Variants in PLD4 observed in about 807,000 individuals in gnomAD.
PLD4 encodes the protein 5'-3' exonuclease PLD4.
Under a neutral mutation model 52.3 loss-of-function variants are expected in PLD4, and 54 were observed. The observed-to-expected ratio is 1.03, with a 90% CI of 0.83 to 1.30. The LOEUF (loss-of-function observed/expected upper bound fraction) is 1.30, where lower values mean the gene tolerates loss of function less well. Ranked by LOEUF, PLD4 falls within the 50% of genes most tolerant of loss-of-function variation. The probability of loss-of-function intolerance (pLI) is 0.00; values close to 1 mark genes in which losing one functional copy is unlikely to be tolerated. For synonymous variants in PLD4, 264 were observed against 286.5 expected (o/e 0.92, Z 0.79); for missense variants, 731 against 671.1 (o/e 1.09, Z -0.99).
Position 104,933,108 on chromosome 14 carries a change from A to C in PLD4, c.*144A>C. On this transcript the variant is annotated 3_prime_UTR_variant, in exon 11 of 11. Coordinates refer to ENST00000392593, the MANE Select transcript of PLD4 (RefSeq NM_138790.5). The stretch of plus-strand genomic sequence containing the variant: ...GCCTGCGACCGCCCGGGCGTCGCAA[A>C]CCGCCCGCCTGCTCTCTGATTTCCG... 1 of 885,818 alleles carries C rather than the reference A, an allele frequency of 1.1e-6. No individual in the cohort carries two copies. The highest frequency in any genetic ancestry group is 1.6e-6 in the Non-Finnish European group (1 of 619,610). The allele number at this position is 885,818 out of a possible 1,614,324, so 54.9% of individuals were successfully genotyped here.
intron 1 of PLD4, among the ~76,000 whole-genome samples, chr14:104,925,291 G>A (rs569881313): frequency 6.6e-6 from 1 of 152,348 alleles, no homozygotes; most frequent in African/African-American, 2.4e-5. Flanking sequence ...ATGTCTGCAG[G>A]GTCTTACGCT....
chr14:104,930,514 G>T, intron 6 of PLD4: 1 of 594,832 alleles, frequency 1.7e-6, no homozygotes, highest in Non-Finnish European at 3.0e-6. Context: ...TGTAATAAAC[G>T]TGTATTGCTT....
intron 7 of PLD4, among the ~76,000 whole-genome samples, chr14:104,931,396 G>A (rs1257054462): frequency 6.6e-6 from 1 of 152,114 alleles, no homozygotes; most frequent in Non-Finnish European, 1.5e-5. Context: ...GCCAGCCGAG[G>A]GACTGGTCTG....
downstream of PLD4, chr14:104,934,488 A>C (rs1179769400): frequency 2.0e-5 from 3 of 152,096 alleles, no homozygotes; most frequent in Non-Finnish European, 4.4e-5. Context: ...ATCTCACCTG[A>C]TGGTTCCTGA....
rs368763697 is a variant in PLD4, at chr14:104,931,902, G to A, written c.1058+15G>A. The A allele has an allele frequency of 6.5e-7, 1 of 1,531,738 alleles. No individual in the cohort carries two copies. 94.9% of individuals were successfully genotyped at this position (1,531,738 alleles called of 1,614,324 possible). A position where few individuals can be genotyped will look rare whatever the true frequency, so the allele number is the denominator to read the frequency against. On this transcript the variant is annotated intron_variant, in intron 8 of 10. Transcript: ENST00000392593. ...CACCCCCCGAGGTAGGTCTGAGTGGGAGGTGGGCGGCCTGCTCTGCTGACG... is the reference window on the plus strand; with the variant it reads ...CACCCCCCGAGGTAGGTCTGAGTGGAAGGTGGGCGGCCTGCTCTGCTGACG...
At chr14:104,931,911 G>A (rs756568076) in intron 8 of PLD4, 24 bp downstream of exon 8, 40 of 1,527,418 alleles carry the variant, frequency 2.6e-5, no homozygotes, top group Non-Finnish European at 3.2e-5. Flanking sequence ...GGAGGTGGGC[G>A]GCCTGCTCTG....
intron 4 of PLD4, 161 bp downstream of exon 4, chr14:104,929,093 G>A (rs1394144078): frequency 2.5e-6 from 3 of 1,177,298 alleles, no homozygotes; most frequent in Non-Finnish European, 3.5e-6. Flanking sequence ...GGCTCTAACA[G>A]CAGAGGTGTC....
chr14:104,931,176 G>A (rs894070764), intron 7 of PLD4, among the ~76,000 whole-genome samples: 2 of 152,206 alleles, frequency 1.3e-5, no homozygotes, highest in African/African-American at 4.8e-5. Flanking sequence ...CAGCTGGTCA[G>A]CACCATCCCT....
At chr14:104,925,147 C>G (rs1214272379) in intron 1 of PLD4, among the ~76,000 whole-genome samples, 157 bp downstream of exon 1, 1 of 152,254 alleles carries the variant, frequency 6.6e-6, no homozygotes, top group Non-Finnish European at 1.5e-5. Flanking sequence ...GTCCCCAGTC[C>G]GTGCAGCTGG....
In PLD4 at chr14:104,932,858, C is replaced by T. The variant is rs565283648; in HGVS notation, c.1415C>T (p.Thr472Met). 2 of 1,604,696 alleles carry T rather than the reference C, an allele frequency of 1.2e-6. No homozygotes were observed. Among genetic ancestry groups the T allele is most frequent in the African/African-American group, 1.3e-5 (1 of 74,942 alleles). ...CCTGGCGCGCAGCCCGCGGGGGCCA[C>T]GGTGCAGGAGCAGCTGCGGCAGCTC... ...QSPGAQPAGA[T>M]VQEQLRQLFE... The change falls in exon 11 of 11, where the codon ACG becomes ATG. Residue 472 changes from threonine (T) to methionine (M), a missense_variant. Transcript: ENST00000392593. This position sits in a 1 kb window ranked among gnomAD's most constrained non-coding sequence, Gnocchi z 6.5.
rs370334897 is a variant in PLD4 at position 104,929,288 on chromosome 14, G to A, written c.469-19G>A. 4 of 1,583,306 alleles carry A rather than the reference G, an allele frequency of 2.5e-6. No homozygotes were observed. Among genetic ancestry groups the A allele is most frequent in the Non-Finnish European group, 3.4e-6 (4 of 1,165,188 alleles). On this transcript the variant is annotated intron_variant, in intron 4 of 10. Transcript: ENST00000392593. ...AGGGCAGCCTGAGGTCAGCTCTCAT[G>A]GCTGGCCTGGCCTTGCAGGGAGAGG...
rs1336495213 is a variant in PLD4 at position 104,930,170 on chromosome 14, A to G, written c.717+65A>G. 9 of 1,592,492 alleles carry G rather than the reference A, an allele frequency of 5.7e-6. No individual in the cohort carries two copies. In the Admixed American group the frequency reaches 1.2e-4, roughly 21 times the overall value. ...CGTTTCCCCGCCTGCACTCCTGGGG[A>G]CTTGGCCTGACATCTCAGTGCATCT... is the stretch of plus-strand genomic sequence containing the variant. On this transcript the variant is annotated intron_variant, in intron 6 of 10. Coordinates refer to ENST00000392593, the MANE Select transcript of PLD4 (RefSeq NM_138790.5).
At position 104,932,992 on chromosome 14, in the gene PLD4, C is replaced by A; in HGVS notation, c.*28C>A. ...GGGGCCTCTTTTTCTCTCGGCGACC[C>A]CGCCCCGCACGCGCCCTCCCCTCTG... is the stretch of plus-strand genomic sequence containing the variant. On this transcript the variant is annotated 3_prime_UTR_variant, in exon 11 of 11. Transcript: ENST00000392593. This position sits in a 1 kb window ranked among gnomAD's most constrained non-coding sequence, Gnocchi z 6.5. 6.6e-7 allele frequency: 1 copy of A among 1,525,666 alleles called. No homozygotes were observed. The highest frequency in any genetic ancestry group is 2.0e-5 in the Admixed American group (1 of 50,358). The allele number at this position is 1,525,666 out of a possible 1,614,324, so 94.5% of individuals were successfully genotyped here. A position where few individuals can be genotyped will look rare whatever the true frequency, so the allele number is the denominator to read the frequency against.
chr14:104,930,851 A>G lies in PLD4; in HGVS notation c.827A>G (p.Lys276Arg). ...VLGVPKAVLPKTWPQNFSSHF... is the reference protein window; with the variant it reads ...VLGVPKAVLPRTWPQNFSSHF... Reference sequence around the variant, plus strand: ...GGGGTGCCCAAGGCTGTCCTCCCCAAAACCTGGCCTCAGAACTTCTCATCT... The same window carrying G: ...GGGGTGCCCAAGGCTGTCCTCCCCAGAACCTGGCCTCAGAACTTCTCATCT... The change falls in exon 7 of 11, where the codon AAA becomes AGA. Residue 276 changes from lysine to arginine, a missense_variant. Coordinates refer to ENST00000392593, the MANE Select transcript of PLD4 (RefSeq NM_138790.5). The G allele has an allele frequency of 1.9e-6, 3 of 1,613,566 alleles. No homozygotes were observed. Among genetic ancestry groups the G allele is most frequent in the South Asian group, 1.1e-5 (1 of 91,084 alleles).
rs1180755245 is a variant in PLD4 at position 104,930,919 on chromosome 14, G to T, written c.895G>T (p.Val299Leu). Reference protein sequence around the residue: ...FQPFHGLFDGVPTTAYFSASP... With the variant: ...FQPFHGLFDGLPTTAYFSASP... ...GCCCTTCCACGGCCTCTTTGATGGG[G>T]TGCCCACCACTGCCTACTTCTCAGT... The change falls in exon 7 of 11, where the codon GTG becomes TTG. Residue 299 changes from valine (V) to leucine (L), a missense_variant. Physicochemically the swap from Val to Leu is conservative, Grantham distance 32. Transcript: ENST00000392593. 6.2e-7 allele frequency: 1 copy of T among 1,613,354 alleles called. No individual in the cohort carries two copies. The highest frequency in any genetic ancestry group is 1.7e-5 in the Admixed American group (1 of 60,030).
rs1195196202 is a variant in PLD4 at position 104,932,101 on chromosome 14, C to A, written c.1148C>A (p.Thr383Lys). ...VRLLVGCGLN[T>K]DPTMFPYLRS... Reference sequence around the variant, plus strand: ...CTGCTGGTCGGCTGCGGACTCAACACGGACCCCACCATGTTCCCCTACCTG... The same window carrying A: ...CTGCTGGTCGGCTGCGGACTCAACAAGGACCCCACCATGTTCCCCTACCTG... The change falls in exon 9 of 11, where the codon ACG becomes AAG. Residue 383 changes from threonine to lysine, a missense_variant. Transcript: ENST00000392593. The surrounding 1 kb of genome is among the most constrained non-coding windows in gnomAD (Gnocchi z 6.5). 1 of 1,610,846 alleles carries A rather than the reference C, an allele frequency of 6.2e-7. No homozygotes were observed.
In PLD4 at chr14:104,930,231, T is replaced by C. The variant is rs527959800; in HGVS notation, c.717+126T>C. 4.5e-5 allele frequency: 59 copies of C among 1,300,342 alleles called. No homozygotes were observed. In the African/African-American group the frequency reaches 7.7e-4, roughly 17 times the overall value. The allele number at this position is 1,300,342 out of a possible 1,614,324, so 80.6% of individuals were successfully genotyped here. ...GTGTAGTCCTGTTTACAATTCACTA[T>C]GGTAGAAACAACCGGAGACTGGTCT... On this transcript the variant is annotated intron_variant, in intron 6 of 10. Coordinates refer to ENST00000392593, the MANE Select transcript of PLD4 (RefSeq NM_138790.5).
intron 5 of PLD4, 122 bp from the exon 6 acceptor site, chr14:104,929,856 T>G: frequency 1.7e-6 from 2 of 1,162,798 alleles, no homozygotes. Flanking sequence ...TAGCAGCAGC[T>G]TAGTAGGACT....
Position 104,927,850 on chromosome 14 carries a change from CAGAGGGA to C in PLD4, c.269_275del (p.Gln90ProfsTer146). On this transcript the variant is annotated frameshift_variant, in exon 3 of 11. Transcript: ENST00000392593. LOFTEE classifies it high-confidence loss of function. ...GCCCCTGGAAGCAGAGGCCAGGCAG[CAGAGGGA>C]CTCCTGCCAGTAAGTGAGCCCATGG... The C allele has an allele frequency of 6.3e-7, 1 of 1,577,006 alleles. No individual in the cohort carries two copies. The highest frequency in any genetic ancestry group is 8.6e-7 in the Non-Finnish European group (1 of 1,165,090).
Sources: allele counts gnomAD v4.1 joint callset (sites outside exome capture counted in the v4.1 genomes callset), GRCh38; gene constraint gnomAD v4.1.1; non-coding constraint Gnocchi (gnomAD v3.1); transcripts MANE v1.5; gene names NCBI Gene and HGNC (gene_info 2026-07-23, HGNC 2026-07-21).